DNAAF1: variants seen among roughly 807,000 people sequenced by gnomAD.
DNAAF1 encodes the protein dynein axonemal assembly factor 1.
DNAAF1 carries 65 observed loss-of-function variants against 71.1 expected under a neutral mutation model. The observed-to-expected ratio is 0.91, with a 90% CI of 0.75 to 1.12. The LOEUF (loss-of-function observed/expected upper bound fraction) is 1.12, where lower values mean the gene tolerates loss of function less well. Among genes scored for constraint, DNAAF1 ranks in the 50% most tolerant of loss-of-function variants. The pLI is 0.00. For missense variants in DNAAF1, 1,178 were observed against 899.8 expected (o/e 1.31, Z -3.96); for synonymous variants, 414 against 354.6 (o/e 1.17, Z -1.88).
At chr16:84,164,567 T>G (rs1597454354) in intron 6 of DNAAF1, among the ~76,000 whole-genome samples, 1 of 152,346 alleles carries the variant, frequency 6.6e-6, no homozygotes, top group East Asian at 1.9e-4. Flanking sequence ...GAAGTTAGGC[T>G]TCTTCCATGA....
chr16:84,150,332 A>C lies in DNAAF1; in HGVS notation c.342A>C (p.Leu114Phe). The change falls in exon 3 of 12, where the codon TTA (leucine) becomes TTC (phenylalanine). Residue 114 changes from leucine (L) to phenylalanine (F), a missense_variant. Transcript: ENST00000378553. ...CAGCATTGAATGATACGCTGTATTTACACTTTAAAGGTAAGGACCTAAGAG... is the reference window on the plus strand; with the variant it reads ...CAGCATTGAATGATACGCTGTATTTCCACTTTAAAGGTAAGGACCTAAGAG... ...ITPALNDTLY[L>F]HFKGFDRIEN... The C allele has an allele frequency of 6.2e-7, 1 of 1,611,882 alleles. No homozygotes were observed. Among genetic ancestry groups the C allele is most frequent in the Non-Finnish European group, 8.5e-7 (1 of 1,177,914 alleles).
At chr16:84,162,696 G>A (rs1197505304) in intron 6 of DNAAF1, among the ~76,000 whole-genome samples, 1 of 152,140 alleles carries the variant, frequency 6.6e-6, no homozygotes, top group East Asian at 1.9e-4. Context: ...GCGGGCGCCT[G>A]TAGTCCCAGC....
intron 6 of DNAAF1, among the ~76,000 whole-genome samples, chr16:84,165,152 G>T (rs2087909109): frequency 6.6e-6 from 1 of 152,052 alleles, no homozygotes; most frequent in Non-Finnish European, 1.5e-5. Context: ...TTGGATCCAA[G>T]CCCTTTCCCA....
intron 1 of DNAAF1, among the ~76,000 whole-genome samples, chr16:84,146,562 C>T (rs185310463): frequency 6.6e-6 from 1 of 152,008 alleles, no homozygotes; most frequent in Admixed American, 6.6e-5. Context: ...GCTAAAAACA[C>T]AAAAATTAGC....
chr16:84,150,211 A>C (rs1056292228), intron 2 of DNAAF1, 40 bp from the exon 3 acceptor site: 1 of 1,464,604 alleles, frequency 6.8e-7, no homozygotes, highest in South Asian at 1.1e-5. Context: ...TACAGCTGAC[A>C]ATTTGCAATA....
intron 9 of DNAAF1, chr16:84,173,943 G>A (rs552560610): frequency 1.3e-5 from 2 of 153,814 alleles, no homozygotes; most frequent in Non-Finnish European, 2.9e-5. Context: ...AACACTAATA[G>A]CTAATGTTAA....
At chr16:84,177,202 C>G (rs1488517948) in intron 11 of DNAAF1, 1 of 199,048 alleles carries the variant, frequency 5.0e-6, no homozygotes, top group Non-Finnish European at 1.0e-5. Context: ...TAGGAACCAG[C>G]ACAGAAAAGT....
At chr16:84,163,034 C>T (rs544337767) in intron 6 of DNAAF1, among the ~76,000 whole-genome samples, 1 of 152,150 alleles carries the variant, frequency 6.6e-6, no homozygotes, top group Non-Finnish European at 1.5e-5. Flanking sequence ...CGTGTTCCAT[C>T]CAGTACTTCA....
At chr16:84,158,579 A>C (rs544618664) in intron 5 of DNAAF1, among the ~76,000 whole-genome samples, 6 of 152,186 alleles carry the variant, frequency 3.9e-5, no homozygotes, top group Non-Finnish European at 7.3e-5. Context: ...AGGTTGCTTT[A>C]TGTTAATAGT....
At chr16:84,177,203 A>G (rs764493771) in intron 11 of DNAAF1, 1 of 199,184 alleles carries the variant, frequency 5.0e-6, no homozygotes, top group Non-Finnish European at 1.0e-5. Flanking sequence ...AGGAACCAGC[A>G]CAGAAAAGTG....
rs199727292 is a variant in DNAAF1 at position 84,175,946 on chromosome 16, C to T, written c.1712C>T (p.Pro571Leu). 4.5e-5 allele frequency: 73 copies of T among 1,613,986 alleles called. No homozygotes were observed. Among genetic ancestry groups the T allele is most frequent in the Middle Eastern group, 3.3e-4 (2 of 6,084 alleles). The change falls in exon 11 of 12, where the codon CCG becomes CTG. Residue 571 changes from proline (P) to leucine (L), a missense_variant. Physicochemically the swap from Pro to Leu is moderately conservative, Grantham distance 98. Coordinates refer to ENST00000378553, the MANE Select transcript of DNAAF1 (RefSeq NM_178452.6). Reference sequence around the variant, plus strand: ...TTCTGTAAATAGAATATGTGCTTTCCGAAGATTGAGGTCATCTCGAGCTTG... The same window carrying T: ...TTCTGTAAATAGAATATGTGCTTTCTGAAGATTGAGGTCATCTCGAGCTTG... ...KSLEDQNMCF[P>L]KIEVISSLSD... is the part of the protein sequence containing the mutation.
chr16:84,175,011 A>G (rs1372143386), intron 10 of DNAAF1, among the ~76,000 whole-genome samples: 2 of 151,952 alleles, frequency 1.3e-5, no homozygotes, highest in African/African-American at 4.8e-5. Flanking sequence ...ATGAGCCACC[A>G]CGCCCAGCTA....
rs886052366 is a variant in DNAAF1, at chr16:84,149,063, C to G, written c.181C>G (p.Gln61Glu). ...TTCTTCTGACACATCCTACCACAGC[C>G]AGCAGAAACAGAGTGGTGATAATGG... ...VGSSDTSYHS[Q>E]QKQSGDNGSG... Residue 61 changes from glutamine (Q) to glutamate (E), a missense_variant, in exon 2 of 12, where the codon CAG (glutamine) becomes GAG (glutamate). By Grantham distance (29) the Gln-to-Glu change is conservative (BLOSUM62 2). Transcript: ENST00000378553. 3 of 1,614,102 alleles carry G rather than the reference C, an allele frequency of 1.9e-6. No individual in the cohort carries two copies. The highest frequency in any genetic ancestry group is 2.5e-6 in the Non-Finnish European group (3 of 1,180,024).
In DNAAF1 at chr16:84,172,338, C is replaced by G. The variant is rs759534841; in HGVS notation, c.1607C>G (p.Thr536Ser). The change falls in exon 9 of 12, where the codon ACC becomes AGC. Residue 536 changes from threonine to serine, a missense_variant. Coordinates refer to ENST00000378553, the MANE Select transcript of DNAAF1 (RefSeq NM_178452.6). ...GGAACGAGAACGGAAGATTTAGAAA[C>G]CATTAGACTGGAGACAAAGGAGACA... is the stretch of plus-strand genomic sequence containing the variant. The part of the protein sequence containing the change: ...LDGTRTEDLE[T>S]IRLETKETFC... The G allele has an allele frequency of 1.2e-6, 2 of 1,614,184 alleles. No homozygotes were observed. Among genetic ancestry groups the G allele is most frequent in the Non-Finnish European group, 1.7e-6 (2 of 1,180,010 alleles).
chr16:84,170,506 C>G, intron 8 of DNAAF1, 150 bp downstream of exon 8: 1 of 1,313,022 alleles, frequency 7.6e-7, no homozygotes, highest in Non-Finnish European at 1.1e-6. Flanking sequence ...ATCTTGTTTT[C>G]TAGAACAGGG....
intron 1 of DNAAF1, among the ~76,000 whole-genome samples, chr16:84,147,855 C>G (rs113331873): frequency 0.039 from 5,875 of 152,154 alleles, 191 homozygotes; most frequent in African/African-American, 0.083. Context: ...CACCTGAGGT[C>G]AGGAGTTTGA....
intron 2 of DNAAF1, among the ~76,000 whole-genome samples, chr16:84,149,408 T>A (rs1383720930): frequency 1.3e-5 from 2 of 152,114 alleles, no homozygotes; most frequent in Non-Finnish European, 2.9e-5. Context: ...ATGCAATTTT[T>A]AGGCCGGGCG....
At chr16:84,148,060 G>A (rs1040043652) in intron 1 of DNAAF1, among the ~76,000 whole-genome samples, 4 of 151,516 alleles carry the variant, frequency 2.6e-5, no homozygotes, top group Admixed American at 1.3e-4. Context: ...AGACCAAGAC[G>A]GTCTCCAAAA....
In DNAAF1 at chr16:84,177,781, G is replaced by T; in HGVS notation, c.2118G>T (p.Gln706His). Residue 706 changes from glutamine (Q) to histidine (H), a missense_variant, in exon 12 of 12, where the codon CAG becomes CAT. Transcript: ENST00000378553. ...TPPETCVGVA[Q>H]PSQALPTWDL... Reference sequence around the variant, plus strand: ...CAGAGACGTGTGTCGGAGTTGCCCAGCCCAGCCAAGCTCTGCCCACGTGGG... The same window carrying T: ...CAGAGACGTGTGTCGGAGTTGCCCATCCCAGCCAAGCTCTGCCCACGTGGG... 1 of 1,614,044 alleles carries T rather than the reference G, an allele frequency of 6.2e-7. No homozygotes were observed. The highest frequency in any genetic ancestry group is 8.5e-7 in the Non-Finnish European group (1 of 1,179,994).
Sources: allele counts gnomAD v4.1 joint callset (sites outside exome capture counted in the v4.1 genomes callset), GRCh38; gene constraint gnomAD v4.1.1; transcripts MANE v1.5; gene names NCBI Gene and HGNC (gene_info 2026-07-23, HGNC 2026-07-21).